DNER: variants seen among roughly 807,000 people sequenced by gnomAD.
DNER encodes delta and Notch-like epidermal growth factor-related receptor.
DNER carries 33 observed loss-of-function variants against 78.2 expected under a neutral mutation model. The ratio of observed to expected loss-of-function variants is 0.42; its 90% CI spans 0.32 to 0.56. DNER has a LOEUF of 0.56. Ranked by LOEUF, DNER falls within the 20% of genes least tolerant of loss-of-function variation. DNER has a pLI of 0.11. For missense variants in DNER, 918 were observed against 975.3 expected (o/e 0.94, Z 0.78); for synonymous variants, 417 against 384.8 (o/e 1.08, Z -0.98).
At chr2:229,524,207 T>C (rs562731974) in intron 5 of DNER, among the ~76,000 whole-genome samples, 1 of 152,336 alleles carries the variant, frequency 6.6e-6, no homozygotes, top group African/African-American at 2.4e-5. Flanking sequence ...CAAAGTAGCA[T>C]AGCCAGGGAA....
At chr2:229,434,957 C>T (rs1268533055) in intron 8 of DNER, among the ~76,000 whole-genome samples, 1 of 151,734 alleles carries the variant, frequency 6.6e-6, no homozygotes, top group African/African-American at 2.4e-5. Context: ...CACGTGCACA[C>T]ACACACACAG....
At chr2:229,495,546 C>G (rs1446501675) in intron 6 of DNER, among the ~76,000 whole-genome samples, 1 of 152,202 alleles carries the variant, frequency 6.6e-6, no homozygotes. Context: ...AATGTCCCAG[C>G]TCAAGGCAGT....
At chr2:229,573,508 C>T (rs540315993) in intron 4 of DNER, among the ~76,000 whole-genome samples, 3 of 152,156 alleles carry the variant, frequency 2.0e-5, no homozygotes, top group Non-Finnish European at 4.4e-5. Context: ...AGTAAATGAT[C>T]ATCTCTAACA....
chr2:229,547,230 A>C, intron 4 of DNER, 138 bp from the exon 5 acceptor site: 1 of 1,224,894 alleles, frequency 8.2e-7, no homozygotes, highest in Non-Finnish European at 1.1e-6. Flanking sequence ...AACAAAATGC[A>C]GTGAGGCAAG....
chr2:229,648,596 G>A (rs1698759946), intron 1 of DNER, among the ~76,000 whole-genome samples: 1 of 152,164 alleles, frequency 6.6e-6, no homozygotes, highest in South Asian at 2.1e-4. Context: ...CTTCACCCCA[G>A]AGATGTCAAA....
At chr2:229,652,714 A>AT (rs1290698169) in intron 1 of DNER, among the ~76,000 whole-genome samples, 1 of 152,140 alleles carries the variant, frequency 6.6e-6, no homozygotes, top group African/African-American at 2.4e-5. Context: ...CAAAAAATCA[A>AT]TTTTTTTCAG....
intron 4 of DNER, among the ~76,000 whole-genome samples, chr2:229,559,205 G>A (rs921827304): frequency 9.2e-5 from 14 of 152,124 alleles, no homozygotes; most frequent in African/African-American, 2.7e-4. Flanking sequence ...GTGGTTGGAC[G>A]TAGAATATGG....
In DNER at chr2:229,629,957, T is replaced by A. The variant is rs554444993; in HGVS notation, c.277-38069A>T. Among the ~76,000 whole-genome samples the A allele has an allele frequency of 2.6e-5, 4 of 152,326 alleles. No homozygotes were observed. In the East Asian group the frequency reaches 7.7e-4, roughly 29 times the overall value. On this transcript the variant is annotated intron_variant, in intron 1 of 12. Coordinates refer to ENST00000341772, the MANE Select transcript of DNER (RefSeq NM_139072.4). ...GTTATTATGACTGGCAGAAAATATGTCTCAAATTAGGAGCACACAGAATGT... is the reference window on the plus strand; with the variant it reads ...GTTATTATGACTGGCAGAAAATATGACTCAAATTAGGAGCACACAGAATGT...
intron 1 of DNER, among the ~76,000 whole-genome samples, chr2:229,688,254 C>T (rs1341661496): frequency 6.6e-6 from 1 of 152,224 alleles, no homozygotes; most frequent in Admixed American, 6.5e-5. Context: ...TGGATGTCTA[C>T]TCTGGCACTC....
chr2:229,405,538 T>C (rs1693361470), intron 10 of DNER, among the ~76,000 whole-genome samples: 1 of 152,098 alleles, frequency 6.6e-6, no homozygotes, highest in South Asian at 2.1e-4. Flanking sequence ...AAAATCATAT[T>C]TCATATAATG....
chr2:229,450,509 T>A (rs1371921379), intron 7 of DNER, among the ~76,000 whole-genome samples: 2 of 152,240 alleles, frequency 1.3e-5, no homozygotes, highest in African/African-American at 4.8e-5. Flanking sequence ...TCTGGTTGAG[T>A]AAAATTCATA....
intron 7 of DNER, among the ~76,000 whole-genome samples, chr2:229,458,828 CTT>C (rs1459220418): frequency 4.6e-5 from 7 of 151,706 alleles, no homozygotes; most frequent in African/African-American, 1.7e-4. Flanking sequence ...GAAAATAAGA[CTT>C]ATTATTCAAC....
intron 4 of DNER, among the ~76,000 whole-genome samples, chr2:229,559,807 A>G (rs1423307542): frequency 6.6e-6 from 1 of 152,150 alleles, no homozygotes; most frequent in African/African-American, 2.4e-5. Flanking sequence ...GGTTATGATG[A>G]CAAATAAAAG....
At chr2:229,436,558 G>A (rs1694123098) in intron 8 of DNER, among the ~76,000 whole-genome samples, 1 of 152,084 alleles carries the variant, frequency 6.6e-6, no homozygotes, top group Non-Finnish European at 1.5e-5. Context: ...GAAGGAGCAG[G>A]TCACCTACAA....
At chr2:229,495,106 A>C (rs147951545) in intron 6 of DNER, among the ~76,000 whole-genome samples, 88 of 152,300 alleles carry the variant, frequency 5.8e-4, no homozygotes, top group Non-Finnish European at 7.4e-4. Context: ...TAGCTTAACA[A>C]TTTCCTTTTC....
At chr2:229,389,749 C>T (rs531362990) in intron 10 of DNER, among the ~76,000 whole-genome samples, 51 of 152,302 alleles carry the variant, frequency 3.3e-4, no homozygotes, top group African/African-American at 1.2e-3. Context: ...TATTCCATGT[C>T]TGTTTCATCT....
chr2:229,553,157 C>T (rs929623347), intron 4 of DNER, among the ~76,000 whole-genome samples: 1 of 152,176 alleles, frequency 6.6e-6, no homozygotes, highest in Non-Finnish European at 1.5e-5. Context: ...GGAATCTGTA[C>T]ACTCTGAATG....
At chr2:229,534,087 G>T (rs1006977730) in intron 5 of DNER, among the ~76,000 whole-genome samples, 3 of 152,190 alleles carry the variant, frequency 2.0e-5, no homozygotes, top group Admixed American at 2.0e-4. Flanking sequence ...ATTATAGATC[G>T]TAATAGATGG....
intron 10 of DNER, among the ~76,000 whole-genome samples, chr2:229,406,108 C>T (rs989972906): frequency 6.6e-6 from 1 of 152,188 alleles, no homozygotes; most frequent in Non-Finnish European, 1.5e-5. Context: ...GCTTTTGTCA[C>T]CTTCACCAGT....
Sources: gnomAD v4.1 joint callset for allele counts (sites outside exome capture counted in the v4.1 genomes callset) on GRCh38, gnomAD v4.1.1 for gene constraint, MANE v1.5 for transcripts, NCBI Gene and HGNC (gene_info 2026-07-23, HGNC 2026-07-21) for gene names.